Variants in MBIP observed in about 807,000 individuals in gnomAD.
MBIP encodes MAP3K12-binding inhibitory protein 1.
A neutral mutation model predicts 45.7 loss-of-function variants in MBIP; 32 were observed. The observed-to-expected ratio is 0.70, with a 90% CI of 0.53 to 0.94. MBIP has a LOEUF of 0.94. Among genes scored for constraint, MBIP ranks in the 40% least tolerant of loss-of-function variants. The probability of loss-of-function intolerance (pLI) is 0.00; values close to 1 mark genes in which losing one functional copy is unlikely to be tolerated. For synonymous variants in MBIP, 145 were observed against 141.0 expected, an observed-to-expected ratio of 1.03 and a Z score of -0.20; for missense variants, 381 against 405.5, an observed-to-expected ratio of 0.94 and a Z score of 0.52.
At chr14:36,305,745 C>T (rs1027033556) in intron 7 of MBIP, among the ~76,000 whole-genome samples, 1 of 152,160 alleles carries the variant, frequency 6.6e-6, no homozygotes, top group East Asian at 1.9e-4. Context: ...CCTTCAAATT[C>T]ACATTTCCCA....
At chr14:36,306,919 A>T (rs1275179361) in intron 7 of MBIP, among the ~76,000 whole-genome samples, 1 of 152,236 alleles carries the variant, frequency 6.6e-6, no homozygotes, top group Admixed American at 6.5e-5. Context: ...CTAAAATTAG[A>T]CATCTTGAAG....
chr14:36,307,000 A>G (rs1193704486), intron 7 of MBIP, among the ~76,000 whole-genome samples: 2 of 152,242 alleles, frequency 1.3e-5, no homozygotes, highest in Non-Finnish European at 2.9e-5. Context: ...ATAAATGCCA[A>G]TGAGGTTTTT....
intron 3 of MBIP, 31 bp downstream of exon 3, chr14:36,314,660 C>A (rs1423941603): frequency 6.2e-7 from 1 of 1,605,176 alleles, no homozygotes; most frequent in African/African-American, 1.3e-5. Flanking sequence ...TAAAATAATA[C>A]CCTCTCGCCC....
chr14:36,301,014 T>C, intron 7 of MBIP, 191 bp from the exon 8 acceptor site: 1 of 417,464 alleles, frequency 2.4e-6, no homozygotes, highest in Non-Finnish European at 4.3e-6. Context: ...CTAAAGAGGA[T>C]GACGTTAACA....
Position 36,314,771 on chromosome 14 carries a change from C to T in MBIP, c.394G>A (p.Glu132Lys). The T allele has an allele frequency of 3.1e-6, 5 of 1,613,598 alleles. No homozygotes were observed. Among genetic ancestry groups the T allele is most frequent in the Non-Finnish European group, 4.2e-6 (5 of 1,179,722 alleles). Residue 132 changes from glutamate (E) to lysine (K), a missense_variant, in exon 3 of 9, where the codon GAA becomes AAA. By Grantham distance (56) the Glu-to-Lys change is moderately conservative. Coordinates refer to ENST00000416007, the MANE Select transcript of MBIP (RefSeq NM_016586.3). The part of the protein sequence containing the change: ...GDLQEEEKHK[E>K]SDLRDVKKTQ... ...TTTTTCACATCTCTTAAATCACTTT[C>T]TTTGTGCTTTTCTTCCTCTTGTAGG... is the stretch of plus-strand genomic sequence containing the variant.
In MBIP at chr14:36,314,896, T is replaced by G; in HGVS notation, c.269A>C (p.Gln90Pro). Residue 90 changes from glutamine (Q) to proline (P), a missense_variant, in exon 3 of 9, where the codon CAG (glutamine) becomes CCG (proline). Gln to Pro is a moderately conservative substitution (Grantham distance 76). Coordinates refer to ENST00000416007, the MANE Select transcript of MBIP (RefSeq NM_016586.3). ...LYLQPFLAKL[Q>P]SPIKEENTTA... ...TGTATTCTCCTCTTTAATCGGAGAC[T>G]GAAGTTTTGCTAAAAAAGGCTGAGA... The G allele has an allele frequency of 6.2e-7, 1 of 1,612,862 alleles. No individual in the cohort carries two copies. The highest frequency in any genetic ancestry group is 8.5e-7 in the Non-Finnish European group (1 of 1,179,162).
At chr14:36,311,756 A>G (rs1314360573) in intron 5 of MBIP, 31 bp from the exon 6 acceptor site, 4 of 1,540,686 alleles carry the variant, frequency 2.6e-6, no homozygotes, top group Non-Finnish European at 3.5e-6. Context: ...GCCTATATAC[A>G]TTTGTATTTC....
chr14:36,307,649 C>T (rs1879961001), intron 7 of MBIP, among the ~76,000 whole-genome samples: 1 of 152,132 alleles, frequency 6.6e-6, no homozygotes, highest in Non-Finnish European at 1.5e-5. Flanking sequence ...ATAAGAGTGG[C>T]AGCTTGAGGT....
rs1218492019 is a variant in MBIP at position 36,299,134 on chromosome 14, G to C, written c.984C>G (p.Leu328=). ...ATTCTGCTTCTCTTGATTTTCTGAG[G>C]AGGGCTTGTTTGAGGGCACTAATTT... The part of the protein sequence containing the change: ...DEKISALKQA[L]LRKSREAESM... The change falls in exon 9 of 9, where the codon CTC becomes CTG. Residue 328 remains leucine (L), a synonymous_variant. Transcript: ENST00000416007. The C allele has an allele frequency of 6.2e-7, 1 of 1,613,768 alleles. No homozygotes were observed. Among genetic ancestry groups the C allele is most frequent in the Non-Finnish European group, 8.5e-7 (1 of 1,179,858 alleles).
At chr14:36,299,301 G>T in intron 8 of MBIP, 111 bp from the exon 9 acceptor site, 1 of 715,998 alleles carries the variant, frequency 1.4e-6, no homozygotes, top group East Asian at 2.7e-5. Flanking sequence ...ATGATCAAAT[G>T]GTTTTTTTCC....
Position 36,320,511 on chromosome 14 carries a change from G to A in MBIP, c.78C>T (p.Ser26=), listed in dbSNP as rs2139245996. Reference sequence around the variant, plus strand: ...GAAAGATTTCGTAGAGCACCTCTCGGGAGAGGTTGGGTCTGCATCTTCGCT... The same window carrying A: ...GAAAGATTTCGTAGAGCACCTCTCGAGAGAGGTTGGGTCTGCATCTTCGCT... ...NLERRCRPNL[S]REVLYEIFRS... Residue 26 remains serine, a synonymous_variant, in exon 1 of 9, where the codon TCC becomes TCT. Transcript: ENST00000416007. 6.2e-7 allele frequency: 1 copy of A among 1,613,990 alleles called. No homozygotes were observed. Among genetic ancestry groups the A allele is most frequent in the Non-Finnish European group, 8.5e-7 (1 of 1,179,928 alleles).
intron 2 of MBIP, among the ~76,000 whole-genome samples, chr14:36,315,342 G>A (rs1225153371): frequency 1.3e-5 from 2 of 151,940 alleles, no homozygotes. Context: ...TCCTTAACAC[G>A]AGAGCTAGTG....
intron 1 of MBIP, chr14:36,319,926 C>T (rs1566558360): frequency 6.1e-6 from 1 of 163,110 alleles, no homozygotes; most frequent in African/African-American, 2.4e-5. Context: ...AAATGAATTC[C>T]TTTTACTTTT....
chr14:36,314,714 G>C lies in MBIP; in HGVS notation c.451C>G (p.Gln151Glu). ...ACTTCTGCTTTTCCAGCCTTTATCT[G>C]AACTACTTCTGGATCAAAATGGATC... ...TQIHFDPEVV[Q>E]IKAGKAEIDR... Residue 151 changes from glutamine (Q) to glutamate (E), a missense_variant, in exon 3 of 9, where the codon CAG (glutamine) becomes GAG (glutamate). Physicochemically the swap from Gln to Glu is conservative, Grantham distance 29 (BLOSUM62 2). Transcript: ENST00000416007. 6.2e-7 allele frequency: 1 copy of C among 1,613,346 alleles called. No individual in the cohort carries two copies. The highest frequency in any genetic ancestry group is 8.5e-7 in the Non-Finnish European group (1 of 1,179,618).
chr14:36,312,262 C>T (rs1880257274), intron 4 of MBIP, among the ~76,000 whole-genome samples: 2 of 151,872 alleles, frequency 1.3e-5, no homozygotes. Flanking sequence ...ACAGAAAAGC[C>T]ATCAACATTA....
intron 1 of MBIP, among the ~76,000 whole-genome samples, chr14:36,317,828 A>G (rs768957572): frequency 3.9e-5 from 6 of 152,110 alleles, no homozygotes; most frequent in Non-Finnish European, 8.8e-5. Context: ...ACGTGAGTTC[A>G]AATACAGATT....
In MBIP at chr14:36,314,753, C is replaced by T. The variant is rs752418798; in HGVS notation, c.412G>A (p.Val138Met). ...TCAAAATGGATCTGTGTCTTTTTCA[C>T]ATCTCTTAAATCACTTTCTTTGTGC... ...EKHKESDLRDVKKTQIHFDPE... is the reference protein window; with the variant it reads ...EKHKESDLRDMKKTQIHFDPE... Residue 138 changes from valine (V) to methionine (M), a missense_variant, in exon 3 of 9, where the codon GTG becomes ATG. By Grantham distance (21) the Val-to-Met change is conservative. Transcript: ENST00000416007. 9 of 1,613,594 alleles carry T rather than the reference C, an allele frequency of 5.6e-6. No individual in the cohort carries two copies. Among genetic ancestry groups the T allele is most frequent in the Non-Finnish European group, 7.6e-6 (9 of 1,179,730 alleles).
intron 2 of MBIP, 94 bp downstream of exon 2, chr14:36,316,599 T>C: frequency 9.3e-7 from 1 of 1,071,628 alleles, no homozygotes; most frequent in South Asian, 1.6e-5. Flanking sequence ...ACACTATTAA[T>C]ATAGTGTTTA....
In MBIP at chr14:36,312,013, C is replaced by A; in HGVS notation, c.583G>T (p.Ala195Ser). Residue 195 changes from alanine (A) to serine (S), a missense_variant, in exon 5 of 9, where the codon GCA becomes TCA. Coordinates refer to ENST00000416007, the MANE Select transcript of MBIP (RefSeq NM_016586.3). ...GGGGTAAAAATCGCATCAGTTCTTG[C>A]ACAACTATTTTCTAAGGAGAATTTA... ...VIDCNQENSC[A>S]RTDAIFTPYP... is the part of the protein sequence containing the mutation. 1 of 1,580,754 alleles carries A rather than the reference C, an allele frequency of 6.3e-7. No individual in the cohort carries two copies.
Sources: allele counts gnomAD v4.1 joint callset (sites outside exome capture counted in the v4.1 genomes callset), GRCh38; gene constraint gnomAD v4.1.1; transcripts MANE v1.5; gene names NCBI Gene and HGNC (gene_info 2026-07-23, HGNC 2026-07-21).